GRM8: variants seen among roughly 807,000 people sequenced by gnomAD.
GRM8 encodes glutamate metabotropic receptor 8.
A neutral mutation model predicts 87.2 loss-of-function variants in GRM8; 47 were observed. That is an observed-to-expected ratio of 0.54 (90% CI 0.43 to 0.69). GRM8 has a LOEUF of 0.69. Ranked by LOEUF, GRM8 falls within the 30% of genes least tolerant of loss-of-function variation. GRM8 has a pLI of 0.00. For synonymous variants in GRM8, 396 were observed against 404.5 expected (o/e 0.98, Z 0.25); for missense variants, 1,019 against 1,139.2 (o/e 0.89, Z 1.52).
intron 3 of GRM8, among the ~76,000 whole-genome samples, chr7:126,998,641 G>GA (rs1217281559): frequency 6.6e-6 from 1 of 150,766 alleles, no homozygotes; most frequent in East Asian, 1.9e-4. Flanking sequence ...ATCTGAAAAA[G>GA]AAAAAAAGTT....
intron 6 of GRM8, among the ~76,000 whole-genome samples, chr7:126,873,214 G>T (rs1586274676): frequency 1.3e-5 from 2 of 152,218 alleles, no homozygotes; most frequent in African/African-American, 4.8e-5. Context: ...GCTTTCTGAT[G>T]AAATTGACAG....
intron 6 of GRM8, among the ~76,000 whole-genome samples, chr7:126,771,317 G>A (rs2151610998): frequency 6.6e-6 from 1 of 151,004 alleles, no homozygotes; most frequent in South Asian, 2.1e-4. Flanking sequence ...TATTGTTTTT[G>A]TTCTTCCTCT....
rs112220301 is a variant in GRM8 at position 127,205,686 on chromosome 7, A to G, written c.510+37009T>C. Among the ~76,000 whole-genome samples, 22 of 152,260 alleles carry G rather than the reference A, an allele frequency of 1.4e-4. 3 individuals are homozygous for G. The highest frequency in any genetic ancestry group is 3.9e-4 in the African/African-American group (16 of 41,556). ...GGTCTATGGCAGGGTAGAGAGAGAA[A>G]GCTGGAGGCTCCCCCACCTGCTAAT... On this transcript the variant is annotated intron_variant, in intron 2 of 10. Coordinates refer to ENST00000339582, the MANE Select transcript of GRM8 (RefSeq NM_000845.3).
At chr7:126,648,116 A>G (rs1585361256) in intron 7 of GRM8, among the ~76,000 whole-genome samples, 2 of 152,044 alleles carry the variant, frequency 1.3e-5, no homozygotes, top group South Asian at 2.1e-4. Flanking sequence ...GGACCTTTGC[A>G]CAAGCTGTTT....
chr7:126,814,660 A>G lies in GRM8; in HGVS notation c.1157-44595T>C, dbSNP rs137977836. ...CCTGTTACCACTCTCCTTATTTTCC[A>G]TAGAGCTCTGATTGTCATCCACTAA... On this transcript the variant is annotated intron_variant, in intron 6 of 10. Coordinates refer to ENST00000339582, the MANE Select transcript of GRM8 (RefSeq NM_000845.3). 6.3e-3 allele frequency among the ~76,000 whole-genome samples: 951 copies of G among 151,170 alleles called. 10 individuals carry two copies. The highest frequency in any genetic ancestry group is 0.021 in the African/African-American group (883 of 41,292).
At chr7:126,879,583 C>T (rs184452681) in intron 6 of GRM8, among the ~76,000 whole-genome samples, 1 of 152,094 alleles carries the variant, frequency 6.6e-6, no homozygotes, top group African/African-American at 2.4e-5. Context: ...TATTTTATGG[C>T]TATATTTTTT....
intron 7 of GRM8, among the ~76,000 whole-genome samples, chr7:126,661,533 T>A (rs955166051): frequency 1.3e-5 from 2 of 152,086 alleles, no homozygotes; most frequent in African/African-American, 4.8e-5. Flanking sequence ...CATTACAGGA[T>A]GGGGGTCAGC....
At chr7:126,781,774 G>T (rs1347509845) in intron 6 of GRM8, among the ~76,000 whole-genome samples, 1 of 152,076 alleles carries the variant, frequency 6.6e-6, no homozygotes, top group African/African-American at 2.4e-5. Context: ...GGAGTGCAGT[G>T]GTGTGATCAA....
intron 2 of GRM8, among the ~76,000 whole-genome samples, chr7:127,118,976 T>C (rs963764858): frequency 2.0e-5 from 3 of 152,204 alleles, no homozygotes; most frequent in Non-Finnish European, 4.4e-5. Context: ...TCTGCCTCCA[T>C]TGGTTTTCAT....
intron 3 of GRM8, among the ~76,000 whole-genome samples, chr7:126,922,484 A>C (rs1255199298): frequency 1.3e-5 from 2 of 152,176 alleles, no homozygotes; most frequent in African/African-American, 4.8e-5. Context: ...AAATACCAGA[A>C]AAAGAGCTAA....
chr7:126,725,114 T>C (rs1812815837), intron 7 of GRM8, among the ~76,000 whole-genome samples: 1 of 152,208 alleles, frequency 6.6e-6, no homozygotes. Flanking sequence ...AGCAGACAGG[T>C]AGATTGTAGC....
chr7:127,116,543 GGTT>G lies in GRM8; in HGVS notation c.511-9834_511-9832del, dbSNP rs1393628004. Among the ~76,000 whole-genome samples, 6 of 152,300 alleles carry G rather than the reference GGTT, an allele frequency of 3.9e-5. No individual in the cohort carries two copies. In the East Asian group the frequency reaches 1.2e-3, roughly 29 times the overall value. On this transcript the variant is annotated intron_variant, in intron 2 of 10. Coordinates refer to ENST00000339582, the MANE Select transcript of GRM8 (RefSeq NM_000845.3). ...ATAAACATTTAACGGCAATTGTAAT[GGTT>G]GTTGTGAAAGCTATGAACCTGCCGC...
At chr7:126,804,031 G>T (rs546205792) in intron 6 of GRM8, among the ~76,000 whole-genome samples, 9 of 152,272 alleles carry the variant, frequency 5.9e-5, no homozygotes, top group South Asian at 2.1e-4. Flanking sequence ...ACTTACCATT[G>T]CTTGTACACT....
Position 127,127,847 on chromosome 7 carries a change from C to A in GRM8, c.511-21135G>T, listed in dbSNP as rs112254669. On this transcript the variant is annotated intron_variant, in intron 2 of 10. Coordinates refer to ENST00000339582, the MANE Select transcript of GRM8 (RefSeq NM_000845.3). ...TCTCTCCTTCCACCCCAGCACACAC[C>A]CTTCAAAAACAAGTCCTCCTTAAGT... 4.2e-3 allele frequency among the ~76,000 whole-genome samples: 634 copies of A among 151,742 alleles called. 5 individuals carry two copies. The highest frequency in any genetic ancestry group is 6.8e-3 in the Non-Finnish European group (461 of 67,940).
chr7:127,058,681 T>G (rs989510938), intron 3 of GRM8, among the ~76,000 whole-genome samples: 4 of 152,202 alleles, frequency 2.6e-5, no homozygotes, highest in Non-Finnish European at 2.9e-5. Context: ...GTCAATAGTT[T>G]TGACTACAGA....
At chr7:126,694,707 G>T (rs1809191661) in intron 7 of GRM8, among the ~76,000 whole-genome samples, 1 of 152,194 alleles carries the variant, frequency 6.6e-6, no homozygotes, top group South Asian at 2.1e-4. Flanking sequence ...TCTGGGTTCT[G>T]CTTAGGCAAA....
chr7:126,526,351 T>A (rs899654660), intron 9 of GRM8, among the ~76,000 whole-genome samples: 1 of 152,118 alleles, frequency 6.6e-6, no homozygotes, highest in East Asian at 1.9e-4. Flanking sequence ...TCAGTCTTAA[T>A]CAAATCTAGT....
chr7:126,567,523 G>A (rs1002250449), intron 8 of GRM8, among the ~76,000 whole-genome samples: 5 of 152,050 alleles, frequency 3.3e-5, no homozygotes, highest in African/African-American at 4.8e-5. Flanking sequence ...AAACCTGCAC[G>A]TTGTGCACAT....
intron 3 of GRM8, among the ~76,000 whole-genome samples, chr7:127,097,261 G>T (rs1407783512): frequency 6.6e-6 from 1 of 152,148 alleles, no homozygotes; most frequent in Admixed American, 6.5e-5. Context: ...TTTTAAAGTG[G>T]CAACTGAATG....
Sources: allele counts gnomAD v4.1 joint callset (sites outside exome capture counted in the v4.1 genomes callset), GRCh38; gene constraint gnomAD v4.1.1; transcripts MANE v1.5; gene names NCBI Gene and HGNC (gene_info 2026-07-23, HGNC 2026-07-21).